The following SGCD variants were observed in gnomAD, a reference collection of about 807,000 sequenced individuals.
The protein encoded by SGCD is delta-sarcoglycan.
Under a neutral mutation model 36.6 loss-of-function variants are expected in SGCD, and 18 were observed. That is an observed-to-expected ratio of 0.49 (90% CI 0.34 to 0.73). The LOEUF is 0.73. Among genes scored for constraint, SGCD ranks in the 30% least tolerant of loss-of-function variants. The probability of loss-of-function intolerance (pLI) is 0.01; values close to 1 mark genes in which losing one functional copy is unlikely to be tolerated. For synonymous variants in SGCD, 133 were observed against 130.6 expected (o/e 1.02, Z -0.12); for missense variants, 387 against 346.7 (o/e 1.12, Z -0.92).
chr5:155,986,600 G>T (rs990540388), intron 1 of SGCD, among the ~76,000 whole-genome samples: 4 of 152,208 alleles, frequency 2.6e-5, no homozygotes, highest in Admixed American at 2.0e-4. Flanking sequence ...GACATGAAAA[G>T]CTTTTAGGTC....
intron 4 of SGCD, among the ~76,000 whole-genome samples, chr5:156,522,352 G>A (rs533140084): frequency 2.2e-3 from 339 of 151,964 alleles, no homozygotes; most frequent in Non-Finnish European, 1.2e-3. Flanking sequence ...TAATAAAAAA[G>A]ATACTAAAAA....
intron 3 of SGCD, among the ~76,000 whole-genome samples, chr5:156,226,974 G>C (rs1764875157): frequency 6.6e-6 from 1 of 151,802 alleles, no homozygotes; most frequent in South Asian, 2.1e-4. Context: ...ATTTTTTTGA[G>C]ATCGTTGTAG....
chr5:156,713,427 G>T (rs1755085706), intron 7 of SGCD, among the ~76,000 whole-genome samples: 1 of 151,668 alleles, frequency 6.6e-6, no homozygotes, highest in African/African-American at 2.4e-5. Flanking sequence ...GGCGTTATAG[G>T]AGGGAGAGAG....
chr5:156,397,258 G>A (rs769809811), intron 3 of SGCD, among the ~76,000 whole-genome samples: 3 of 152,028 alleles, frequency 2.0e-5, no homozygotes, highest in Non-Finnish European at 4.4e-5. Context: ...TAGGGCAGTC[G>A]GTCTGCAAAC....
chr5:156,137,086 T>G (rs1474573895), intron 3 of SGCD, among the ~76,000 whole-genome samples: 1 of 152,176 alleles, frequency 6.6e-6, no homozygotes, highest in Non-Finnish European at 1.5e-5. Flanking sequence ...AATGGAATGA[T>G]AGGAGCATTT....
intron 4 of SGCD, among the ~76,000 whole-genome samples, chr5:156,527,565 A>C (rs1757696289): frequency 6.6e-6 from 1 of 152,222 alleles, no homozygotes; most frequent in Admixed American, 6.5e-5. Context: ...TCACTGTCCA[A>C]GTGAGCCCTT....
At chr5:156,333,656 A>G (rs1439381820) in intron 2 of SGCD, among the ~76,000 whole-genome samples, 1 of 152,130 alleles carries the variant, frequency 6.6e-6, no homozygotes, top group East Asian at 1.9e-4. Flanking sequence ...TAAAATAGAA[A>G]TGATTGTGAG....
intron 3 of SGCD, among the ~76,000 whole-genome samples, chr5:156,218,157 C>G (rs1764622324): frequency 6.6e-6 from 1 of 152,022 alleles, no homozygotes; most frequent in African/African-American, 2.4e-5. Flanking sequence ...GCATGTAATC[C>G]CAGCAAATCG....
At chr5:155,772,580 C>T in the SGCD span, among the ~76,000 whole-genome samples, 4 of 152,068 alleles carry the variant, frequency 2.6e-5, no homozygotes, top group Non-Finnish European at 4.4e-5. Context: ...TTTACTTTAG[C>T]TATGTATTGG....
At chr5:155,764,691 T>C in the SGCD span, among the ~76,000 whole-genome samples, 3 of 152,118 alleles carry the variant, frequency 2.0e-5, no homozygotes, top group Non-Finnish European at 4.4e-5. Context: ...GGGTGGGGAA[T>C]TATACTCCAT....
chr5:156,459,738 C>T (rs976532601), intron 3 of SGCD, among the ~76,000 whole-genome samples: 4 of 152,068 alleles, frequency 2.6e-5, no homozygotes, highest in African/African-American at 9.7e-5. Flanking sequence ...TTCAGTGAGG[C>T]GATTTTCAAG....
At chr5:156,585,149 A>G (rs1760441922) in intron 4 of SGCD, among the ~76,000 whole-genome samples, 1 of 152,162 alleles carries the variant, frequency 6.6e-6, no homozygotes. Flanking sequence ...GGAAAAATGG[A>G]CTGTTTCCCA....
At chr5:156,724,919 G>A (rs1581471980) in intron 7 of SGCD, among the ~76,000 whole-genome samples, 1 of 152,180 alleles carries the variant, frequency 6.6e-6, no homozygotes, top group Non-Finnish European at 1.5e-5. Context: ...TTGTTTTTTT[G>A]TACTTATGGC....
At chr5:156,501,653 G>A (rs1756458984) in intron 3 of SGCD, among the ~76,000 whole-genome samples, 1 of 152,126 alleles carries the variant, frequency 6.6e-6, no homozygotes, top group African/African-American at 2.4e-5. Context: ...TCTAACTGAG[G>A]GCTTAGGGGA....
intron 3 of SGCD, among the ~76,000 whole-genome samples, chr5:156,293,145 G>A (rs1187809850): frequency 6.6e-6 from 1 of 151,882 alleles, no homozygotes; most frequent in Non-Finnish European, 1.5e-5. Flanking sequence ...GATGATCATA[G>A]TGCGCTACAA....
In SGCD at chr5:156,611,160, G is replaced by T. The variant is rs796276577; in HGVS notation, c.502+16109G>T. Among the ~76,000 whole-genome samples, 2 of 152,274 alleles carry T rather than the reference G, an allele frequency of 1.3e-5. 1 individual carries two copies. The highest frequency in any genetic ancestry group is 4.8e-5 in the African/African-American group (2 of 41,560). On this transcript the variant is annotated intron_variant, in intron 6 of 8. Transcript: ENST00000337851. ...ACGCTGGGAGCTGTAGACTGGAGCT[G>T]TTCCTATTCAGCCATCTTGGCTCCT...
At chr5:156,587,846 C>A (rs1207832649) in intron 4 of SGCD, among the ~76,000 whole-genome samples, 1 of 151,864 alleles carries the variant, frequency 6.6e-6, no homozygotes, top group Admixed American at 6.6e-5. Flanking sequence ...CATCTCATAG[C>A]TCCGAAATCA....
At chr5:156,206,707 A>G (rs566345814) in intron 3 of SGCD, among the ~76,000 whole-genome samples, 6 of 152,192 alleles carry the variant, frequency 3.9e-5, no homozygotes, top group African/African-American at 7.2e-5. Flanking sequence ...CTTGTATACT[A>G]TAAGTTTGGC....
chr5:155,839,505 G>A, the SGCD span, among the ~76,000 whole-genome samples: 2 of 152,014 alleles, frequency 1.3e-5, no homozygotes, highest in Admixed American at 1.3e-4. Context: ...CTTAACTTTC[G>A]CTTTGGCATA....
Sources: gnomAD v4.1 joint callset for allele counts (sites outside exome capture counted in the v4.1 genomes callset) on GRCh38, gnomAD v4.1.1 for gene constraint, MANE v1.5 for transcripts, NCBI Gene and HGNC (gene_info 2026-07-23, HGNC 2026-07-21) for gene names.